The following SOX5 variants were observed in gnomAD, a reference collection of about 807,000 sequenced individuals.
The protein encoded by SOX5 is SRY-box transcription factor 5.
A neutral mutation model predicts 92.0 loss-of-function variants in SOX5; 9 were observed. The ratio of observed to expected loss-of-function variants is 0.10; its 90% confidence interval spans 0.06 to 0.17. SOX5 has a LOEUF of 0.17. SOX5 is among the 10% of genes least tolerant of loss of function. The pLI, the probability that SOX5 is intolerant of heterozygous loss-of-function variation, is 1.00. For synonymous variants in SOX5, 344 were observed against 336.3 expected (o/e 1.02, Z -0.25); for missense variants, 642 against 944.5 (o/e 0.68, Z 4.20).
chr12:24,203,551 G>T (rs1202804694), intron 4 of SOX5, among the ~76,000 whole-genome samples: 1 of 151,998 alleles, frequency 6.6e-6, no homozygotes, highest in South Asian at 2.1e-4. Flanking sequence ...TATTTTTCTT[G>T]ATATCTAAGA....
At chr12:23,770,362 CA>C (rs1200602896) in intron 3 of SOX5, among the ~76,000 whole-genome samples, 2 of 151,986 alleles carry the variant, frequency 1.3e-5, no homozygotes, top group African/African-American at 4.8e-5. Flanking sequence ...ATAACTGAGC[CA>C]AAAAGGACTG....
chr12:24,345,237 T>C (rs1953091993), intron 2 of SOX5, among the ~76,000 whole-genome samples: 1 of 152,226 alleles, frequency 6.6e-6, no homozygotes, highest in Admixed American at 6.5e-5. Context: ...AATTCAGCTA[T>C]ACTGTGGAAC....
intron 4 of SOX5, among the ~76,000 whole-genome samples, chr12:24,198,817 T>C (rs1368696406): frequency 2.0e-5 from 3 of 152,168 alleles, no homozygotes; most frequent in Non-Finnish European, 4.4e-5. Flanking sequence ...CACTTTTAAT[T>C]CCTGCAGGGC....
chr12:23,832,656 C>G (rs886682383), intron 3 of SOX5, among the ~76,000 whole-genome samples: 6 of 151,900 alleles, frequency 3.9e-5, no homozygotes, highest in Non-Finnish European at 8.8e-5. Flanking sequence ...CTTCAACAAT[C>G]CCCTGATGAA....
intron 3 of SOX5, among the ~76,000 whole-genome samples, chr12:23,823,405 T>C (rs1397906177): frequency 6.6e-6 from 1 of 152,216 alleles, no homozygotes; most frequent in African/African-American, 2.4e-5. Context: ...AAATTCTGGG[T>C]TGAAAATTCT....
chr12:24,318,857 T>C (rs2140884311), intron 2 of SOX5, among the ~76,000 whole-genome samples: 1 of 152,308 alleles, frequency 6.6e-6, no homozygotes. Context: ...TATCATTTCA[T>C]TTGCTTCCAT....
At chr12:23,952,904 T>C (rs893315652), upstream of SOX5, among the ~76,000 whole-genome samples, 5 of 152,144 alleles carry the variant, frequency 3.3e-5, no homozygotes, top group African/African-American at 1.2e-4. Context: ...CTTCTATCTA[T>C]TTCACTTATG....
At position 23,532,412 on chromosome 12, in the gene SOX5, T is replaced by TA. The variant is rs1939291486; in HGVS notation, c.*1806_*1807insT. On this transcript the variant is annotated 3_prime_UTR_variant, in exon 15 of 15. Coordinates refer to ENST00000451604, the MANE Select transcript of SOX5 (RefSeq NM_006940.6). Reference sequence around the variant, plus strand: ...AAACTATAGCACATCAAGCTACTAGTTGCAGTATTTACTATCTATCTGATA... The same window carrying TA: ...AAACTATAGCACATCAAGCTACTAGTATGCAGTATTTACTATCTATCTGATA... 6.6e-6 allele frequency: 1 copy of TA among 152,072 alleles called. No individual in the cohort carries two copies. Among genetic ancestry groups the TA allele is most frequent in the South Asian group, 2.1e-4 (1 of 4,800 alleles). 9.4% of individuals were successfully genotyped at this position (152,072 alleles called of 1,614,324 possible).
chr12:23,949,048 T>C (rs1051983654), intron 1 of SOX5, among the ~76,000 whole-genome samples: 2 of 152,082 alleles, frequency 1.3e-5, no homozygotes, highest in Non-Finnish European at 2.9e-5. Context: ...AAACGCTCTC[T>C]TATATCAACA....
At chr12:23,630,296 C>T (rs1307919042) in intron 8 of SOX5, among the ~76,000 whole-genome samples, 7 of 151,960 alleles carry the variant, frequency 4.6e-5, no homozygotes, top group East Asian at 1.9e-4. Flanking sequence ...TAACAAGGAA[C>T]GAACCATAGC....
chr12:24,245,607 TG>T (rs1229577139), intron 3 of SOX5, among the ~76,000 whole-genome samples: 1 of 151,980 alleles, frequency 6.6e-6, no homozygotes, highest in Non-Finnish European at 1.5e-5. Context: ...TTTGCCAGCT[TG>T]GGGGTAGGGG....
intron 1 of SOX5, among the ~76,000 whole-genome samples, chr12:24,467,772 G>C (rs1413810877): frequency 6.6e-6 from 1 of 152,118 alleles, no homozygotes; most frequent in African/African-American, 2.4e-5. Context: ...TTTGTCCTGG[G>C]GGGTGGATAA....
chr12:24,222,601 T>C (rs1960750554), intron 3 of SOX5, among the ~76,000 whole-genome samples: 1 of 152,134 alleles, frequency 6.6e-6, no homozygotes, highest in Non-Finnish European at 1.5e-5. Context: ...GCGATATATC[T>C]AGGTTTTATG....
intron 4 of SOX5, among the ~76,000 whole-genome samples, chr12:24,069,847 C>T (rs1243941292): frequency 1.3e-5 from 2 of 152,182 alleles, no homozygotes; most frequent in South Asian, 2.1e-4. Context: ...GCAATTTAGA[C>T]AATCTGGAGT....
At chr12:23,810,006 ACT>A (rs1415880611) in intron 3 of SOX5, among the ~76,000 whole-genome samples, 4 of 152,102 alleles carry the variant, frequency 2.6e-5, no homozygotes, top group Non-Finnish European at 5.9e-5. Flanking sequence ...GTATAGAGTT[ACT>A]CTAATTTAAA....
At chr12:24,145,609 G>T (rs1428771465) in intron 4 of SOX5, among the ~76,000 whole-genome samples, 1 of 152,122 alleles carries the variant, frequency 6.6e-6, no homozygotes, top group Non-Finnish European at 1.5e-5. Flanking sequence ...AAATCCTCCT[G>T]CCTGATCCTC....
intron 2 of SOX5, among the ~76,000 whole-genome samples, chr12:24,339,140 TTCTCTC>T (rs56093303): frequency 7.1e-5 from 9 of 125,960 alleles, no homozygotes; most frequent in East Asian, 2.4e-4. Context: ...CTGTCTCTGT[TTCTCTC>T]TCTCTCTCTC....
At chr12:24,442,199 G>A (rs779040727) in intron 1 of SOX5, among the ~76,000 whole-genome samples, 3 of 152,104 alleles carry the variant, frequency 2.0e-5, no homozygotes, top group Non-Finnish European at 2.9e-5. Flanking sequence ...TTGCTAGAAC[G>A]CAATCCTAAC....
chr12:23,848,892 C>T (rs976924383), intron 2 of SOX5, among the ~76,000 whole-genome samples: 1 of 152,136 alleles, frequency 6.6e-6, no homozygotes, highest in African/African-American at 2.4e-5. Flanking sequence ...AGTTGATAAT[C>T]TTCCTTTGTT....
Sources: gnomAD v4.1 joint callset for allele counts (sites outside exome capture counted in the v4.1 genomes callset) on GRCh38, gnomAD v4.1.1 for gene constraint, MANE v1.5 for transcripts, NCBI Gene and HGNC (gene_info 2026-07-23, HGNC 2026-07-21) for gene names.